Variants in CADM1 observed in about 807,000 individuals in gnomAD.
CADM1 encodes cell adhesion molecule 1, also known as TSLC-1.
Under a neutral mutation model 53.1 loss-of-function variants are expected in CADM1, and 15 were observed. The observed-to-expected ratio is 0.28, with a 90% CI of 0.19 to 0.44. The LOEUF (loss-of-function observed/expected upper bound fraction) is 0.44, where lower values mean the gene tolerates loss of function less well. CADM1 is among the 20% of genes least tolerant of loss of function. The probability of loss-of-function intolerance (pLI) is 1.00; values close to 1 mark genes in which losing one functional copy is unlikely to be tolerated. For missense variants in CADM1, 434 were observed against 611.3 expected (o/e 0.71, Z 3.06); for synonymous variants, 281 against 243.0 (o/e 1.16, Z -1.45).
chr11:115,244,099 G>T (rs916200594), intron 1 of CADM1, among the ~76,000 whole-genome samples: 1 of 152,162 alleles, frequency 6.6e-6, no homozygotes, highest in Non-Finnish European at 1.5e-5. Context: ...ATAAAACTAT[G>T]GCACTGGAGA....
rs948033331 is a variant in CADM1 at position 115,173,666 on chromosome 11, A to G, written c.*2808T>C. The G allele has an allele frequency of 5.0e-5, 23 of 461,702 alleles. No homozygotes were observed. Among genetic ancestry groups the G allele is most frequent in the Non-Finnish European group, 5.7e-5 (20 of 352,778 alleles). The allele number at this position is 461,702 out of a possible 1,614,324, so 28.6% of individuals were successfully genotyped here. On this transcript the variant is annotated 3_prime_UTR_variant, in exon 12 of 12. Coordinates refer to ENST00000331581, the MANE Select transcript of CADM1 (RefSeq NM_001301043.2). Reference sequence around the variant, plus strand: ...ATTTTTTTTTATTAAGAAGACAGATATTTTATAGTACTTCTTTTTTTTCTT... The same window carrying G: ...ATTTTTTTTTATTAAGAAGACAGATGTTTTATAGTACTTCTTTTTTTTCTT...
At chr11:115,371,095 T>C (rs1239412080) in intron 1 of CADM1, among the ~76,000 whole-genome samples, 1 of 152,086 alleles carries the variant, frequency 6.6e-6, no homozygotes, top group African/African-American at 2.4e-5. Flanking sequence ...AATAGAAATA[T>C]AGGTTGACAG....
chr11:115,428,317 C>T (rs1276977265), intron 1 of CADM1, among the ~76,000 whole-genome samples: 1 of 152,064 alleles, frequency 6.6e-6, no homozygotes, highest in Non-Finnish European at 1.5e-5. Context: ...TACCATGTGG[C>T]AATACATCCA....
In CADM1 at chr11:115,463,067, A is replaced by G. The variant is rs567484878; in HGVS notation, c.124+41204T>C. Among the ~76,000 whole-genome samples, 16 of 152,278 alleles carry G rather than the reference A, an allele frequency of 1.1e-4. No individual in the cohort carries two copies. The East Asian group carries it at 2.1e-3, about 20-fold the overall frequency. ...CTGGCAGGAGTAGCTTTACTTCAGC[A>G]TGGTCTCTACCCCTTTAAGAATCTA... On this transcript the variant is annotated intron_variant, in intron 1 of 11. Transcript: ENST00000331581.
intron 1 of CADM1, among the ~76,000 whole-genome samples, chr11:115,297,135 GGA>G (rs1349031219): frequency 6.6e-6 from 1 of 152,154 alleles, no homozygotes; most frequent in African/African-American, 2.4e-5. Flanking sequence ...GGGTTTCACT[GGA>G]TATGCAATAG....
chr11:115,211,190 G>A (rs1166063221), intron 7 of CADM1, among the ~76,000 whole-genome samples: 2 of 64,008 alleles, frequency 3.1e-5, no homozygotes, highest in African/African-American at 6.5e-5. Context: ...GAGGCCACAG[G>A]TAGGGAAGCA....
intron 1 of CADM1, among the ~76,000 whole-genome samples, chr11:115,317,519 G>A (rs1318668885): frequency 6.6e-6 from 1 of 152,208 alleles, no homozygotes; most frequent in African/African-American, 2.4e-5. Context: ...AAGAAAAGGA[G>A]ACATAAGGAA....
rs532281830 is a variant in CADM1, at chr11:115,375,472, A to C, written c.124+128799T>G. On this transcript the variant is annotated intron_variant, in intron 1 of 11. Coordinates refer to ENST00000331581, the MANE Select transcript of CADM1 (RefSeq NM_001301043.2). ...ACAATTTACTGAGCTGCACATTTAC[A>C]CTATGTGTACCTCCCTGGTGTTATA... Among the ~76,000 whole-genome samples, 21 of 152,256 alleles carry C rather than the reference A, an allele frequency of 1.4e-4. No homozygotes were observed. The South Asian group carries it at 4.1e-3, about 30-fold the overall frequency.
chr11:115,236,312 T>C (rs1203427293), intron 3 of CADM1, among the ~76,000 whole-genome samples: 1 of 152,126 alleles, frequency 6.6e-6, no homozygotes, highest in African/African-American at 2.4e-5. Context: ...TCAGTGGAAA[T>C]TGTCAGATTT....
chr11:115,299,770 T>C (rs535509940), intron 1 of CADM1, among the ~76,000 whole-genome samples: 3 of 152,064 alleles, frequency 2.0e-5, no homozygotes, highest in Non-Finnish European at 2.9e-5. Context: ...GTCTCTTTGA[T>C]AGAGGTGATA....
chr11:115,228,994 A>G (rs11215432), intron 5 of CADM1, 119 bp downstream of exon 5: 54,610 of 933,870 alleles, frequency 0.058, 2,019 homozygotes, highest in Admixed American at 0.15. Flanking sequence ...TTATTTTTCT[A>G]GCAAAAATAA....
chr11:115,343,108 T>C (rs550676163), intron 1 of CADM1, among the ~76,000 whole-genome samples: 2 of 152,282 alleles, frequency 1.3e-5, no homozygotes, highest in East Asian at 3.9e-4. Context: ...AAGTCAAGCA[T>C]TGAGAATGTA....
chr11:115,281,650 G>A (rs572020161), intron 1 of CADM1, among the ~76,000 whole-genome samples: 86 of 152,150 alleles, frequency 5.7e-4, no homozygotes, highest in African/African-American at 2.0e-3. Context: ...AGTTTAAAAT[G>A]AGTCTGCTAA....
intron 1 of CADM1, among the ~76,000 whole-genome samples, chr11:115,494,470 T>C (rs1307570600): frequency 6.6e-6 from 1 of 152,156 alleles, no homozygotes; most frequent in Non-Finnish European, 1.5e-5. Flanking sequence ...GTCCTTTCTG[T>C]ATTAGAAGAC....
intron 1 of CADM1, among the ~76,000 whole-genome samples, chr11:115,488,542 G>GT (rs1949426715): frequency 6.6e-6 from 1 of 152,152 alleles, no homozygotes; most frequent in African/African-American, 2.4e-5. Context: ...ATAAACTCTG[G>GT]TTAGAGTGGT....
chr11:115,340,237 T>C (rs1438289307), intron 1 of CADM1: 1 of 152,120 alleles, frequency 6.6e-6, no homozygotes, highest in Admixed American at 6.6e-5. Context: ...GTTTATTAAA[T>C]AGAAATAAAG....
At chr11:115,488,982 T>A (rs972659802) in intron 1 of CADM1, among the ~76,000 whole-genome samples, 1 of 152,192 alleles carries the variant, frequency 6.6e-6, no homozygotes, top group East Asian at 1.9e-4. Context: ...ATGCCTCTTC[T>A]AAGAATATAT....
intron 1 of CADM1, among the ~76,000 whole-genome samples, chr11:115,360,512 CA>C (rs1255935081): frequency 6.6e-5 from 10 of 152,168 alleles, no homozygotes; most frequent in Admixed American, 1.3e-4. Flanking sequence ...ATGCTGACAC[CA>C]AAAAGGCATG....
In CADM1 at chr11:115,173,680, C is replaced by A. The variant is rs1191648504; in HGVS notation, c.*2794G>T. Reference sequence around the variant, plus strand: ...AGAAGACAGATATTTTATAGTACTTCTTTTTTTTCTTTTTTTTTTTGTAAA... The same window carrying A: ...AGAAGACAGATATTTTATAGTACTTATTTTTTTTCTTTTTTTTTTTGTAAA... On this transcript the variant is annotated 3_prime_UTR_variant, in exon 12 of 12. Transcript: ENST00000331581. 4.1e-6 allele frequency: 2 copies of A among 482,350 alleles called. No individual in the cohort carries two copies. Among genetic ancestry groups the A allele is most frequent in the Non-Finnish European group, 5.2e-6 (2 of 385,788 alleles). The allele number at this position is 482,350 out of a possible 1,614,324, so 29.9% of individuals were successfully genotyped here. A position where few individuals can be genotyped will look rare whatever the true frequency, so the allele number is the denominator to read the frequency against.
Sources: gnomAD v4.1 joint callset for allele counts (sites outside exome capture counted in the v4.1 genomes callset) on GRCh38, gnomAD v4.1.1 for gene constraint, MANE v1.5 for transcripts, NCBI Gene and HGNC (gene_info 2026-07-23, HGNC 2026-07-21) for gene names.